GK5: variants seen among roughly 807,000 people sequenced by gnomAD.
GK5 encodes glycerol kinase 5.
Under a neutral mutation model 77.3 loss-of-function variants are expected in GK5, and 39 were observed. That is an observed-to-expected ratio of 0.50 (90% CI 0.39 to 0.66). The LOEUF (loss-of-function observed/expected upper bound fraction) is 0.66, where lower values mean the gene tolerates loss of function less well. Ranked by LOEUF, GK5 falls within the 30% of genes least tolerant of loss-of-function variation. The pLI, the probability that GK5 is intolerant of heterozygous loss-of-function variation, is 0.00. For missense variants in GK5, 487 were observed against 633.8 expected (o/e 0.77, Z 2.49); for synonymous variants, 211 against 208.0 (o/e 1.01, Z -0.13).
At chr3:142,186,061 T>C (rs1404896625) in intron 8 of GK5, 72 bp from the exon 9 acceptor site, 1 of 1,350,200 alleles carries the variant, frequency 7.4e-7, no homozygotes, top group African/African-American at 1.5e-5. Context: ...GCAAATTGTT[T>C]TTTTGCATAA....
Position 142,159,286 on chromosome 3 carries a change from A to G in GK5, c.*6336T>C, listed in dbSNP as rs1213459445. 1 of 152,242 alleles carries G rather than the reference A, an allele frequency of 6.6e-6. No individual in the cohort carries two copies. Among genetic ancestry groups the G allele is most frequent in the African/African-American group, 2.4e-5 (1 of 41,468 alleles). 9.4% of individuals were successfully genotyped at this position (152,242 alleles called of 1,614,324 possible). ...TCCTGGTGGGAATGTAAGATGGTAT[A>G]GCCAGTCTGGAAAACAGTTTGGCTG... On this transcript the variant is annotated 3_prime_UTR_variant, in exon 16 of 16. Transcript: ENST00000392993.
intron 11 of GK5, among the ~76,000 whole-genome samples, chr3:142,177,920 G>A (rs886147203): frequency 6.7e-5 from 10 of 148,978 alleles, no homozygotes; most frequent in South Asian, 2.1e-4. Context: ...GTGCAGTGGC[G>A]CAATCTCGGC....
chr3:142,204,632 A>C, intron 4 of GK5, 63 bp downstream of exon 4: 3 of 900,710 alleles, frequency 3.3e-6, no homozygotes, highest in East Asian at 4.8e-5. Context: ...AAATAATACA[A>C]TTAAGGGACA....
Position 142,186,237 on chromosome 3 carries a change from T to G in GK5, c.712A>C (p.Ile238Leu). Residue 238 changes from isoleucine (I) to leucine (L), a missense_variant, in exon 8 of 16, where the codon ATT (isoleucine) becomes CTT (leucine). Transcript: ENST00000392993. Reference protein sequence around the residue: ...MCWSGMITSLISIPLSLLPPV... With the variant: ...MCWSGMITSLLSIPLSLLPPV... ...GGTAGGAGAGAAAGTGGTATCGAAA[T>G]TAGAGAGGTAATCATCCCACTCCAA... 1 of 1,607,138 alleles carries G rather than the reference T, an allele frequency of 6.2e-7. No individual in the cohort carries two copies. The highest frequency in any genetic ancestry group is 8.5e-7 in the Non-Finnish European group (1 of 1,173,820).
At chr3:142,173,587 G>A (rs565033572) in intron 12 of GK5, among the ~76,000 whole-genome samples, 1 of 152,296 alleles carries the variant, frequency 6.6e-6, no homozygotes, top group African/African-American at 2.4e-5. Flanking sequence ...GGGAGGCTGA[G>A]GCAGGAGAAT....
intron 1 of GK5, 21 bp downstream of exon 1, chr3:142,225,288 C>T: frequency 6.6e-7 from 1 of 1,524,336 alleles, no homozygotes; most frequent in Non-Finnish European, 8.8e-7. Context: ...GACCCGCGCC[C>T]CACGCCCGCC....
chr3:142,162,550 T>C lies in GK5; in HGVS notation c.*3072A>G, dbSNP rs973751607. On this transcript the variant is annotated 3_prime_UTR_variant, in exon 16 of 16. Transcript: ENST00000392993. ...GCAATTAGTAGCACTTTAAGATAGA[T>C]TGAACAGGAACATTCTCTTCCTTTA... is the stretch of plus-strand genomic sequence containing the variant. The C allele has an allele frequency of 1.3e-5, 2 of 152,212 alleles. No individual in the cohort carries two copies. Among genetic ancestry groups the C allele is most frequent in the African/African-American group, 4.8e-5 (2 of 41,464 alleles). The allele number at this position is 152,212 out of a possible 1,614,324, so 9.4% of individuals were successfully genotyped here.
intron 3 of GK5, among the ~76,000 whole-genome samples, chr3:142,209,863 G>C (rs1041602191): frequency 6.6e-6 from 1 of 152,066 alleles, no homozygotes; most frequent in African/African-American, 2.4e-5. Context: ...CTCACAGTTT[G>C]TGTTGCTAAT....
At chr3:142,189,912 A>G (rs1426217766) in intron 5 of GK5, among the ~76,000 whole-genome samples, 1 of 151,778 alleles carries the variant, frequency 6.6e-6, no homozygotes, top group Non-Finnish European at 1.5e-5. Flanking sequence ...TTTTACAAAT[A>G]TAATATCAAG....
In GK5 at chr3:142,162,541, T is replaced by C. The variant is rs1037564430; in HGVS notation, c.*3081A>G. The C allele has an allele frequency of 7.2e-5, 11 of 152,244 alleles. No individual in the cohort carries two copies. Among genetic ancestry groups the C allele is most frequent in the African/African-American group, 2.7e-4 (11 of 41,464 alleles). 9.4% of individuals were successfully genotyped at this position (152,244 alleles called of 1,614,324 possible). Reference sequence around the variant, plus strand: ...AGTATAAAAGCAATTAGTAGCACTTTAAGATAGATTGAACAGGAACATTCT... The same window carrying C: ...AGTATAAAAGCAATTAGTAGCACTTCAAGATAGATTGAACAGGAACATTCT... On this transcript the variant is annotated 3_prime_UTR_variant, in exon 16 of 16. Coordinates refer to ENST00000392993, the MANE Select transcript of GK5 (RefSeq NM_001039547.3).
At chr3:142,194,244 G>T (rs2063898141) in intron 5 of GK5, among the ~76,000 whole-genome samples, 1 of 151,706 alleles carries the variant, frequency 6.6e-6, no homozygotes, top group Admixed American at 6.6e-5. Context: ...AATTAACTGG[G>T]GCCAGGCACG....
chr3:142,217,958 G>A (rs183096947), intron 1 of GK5, among the ~76,000 whole-genome samples: 2 of 151,906 alleles, frequency 1.3e-5, no homozygotes, highest in African/African-American at 2.4e-5. Flanking sequence ...CCAAAACAAC[G>A]TTGAAAAAGA....
At chr3:142,224,956 A>T (rs539730835) in intron 1 of GK5, among the ~76,000 whole-genome samples, 1 of 152,324 alleles carries the variant, frequency 6.6e-6, no homozygotes, top group South Asian at 2.1e-4. Context: ...CTCTGGCTGG[A>T]TGTGCACAGC....
intron 15 of GK5, among the ~76,000 whole-genome samples, chr3:142,167,773 A>G (rs2063489611): frequency 6.6e-6 from 1 of 152,240 alleles, no homozygotes; most frequent in South Asian, 2.1e-4. Flanking sequence ...GCACTTTGGG[A>G]TGCCAAAGCG....
chr3:142,215,615 T>C lies in GK5; in HGVS notation c.225A>G (p.Ile75Met). The stretch of plus-strand genomic sequence containing the variant: ...TCCAATTACCTTTGACTGCTTCTTT[T>C]ATTACGGCAACAAATTGAATCCAAA... ...DVLWIQFVAVIKEAVKAAGIQ... is the reference protein window; with the variant it reads ...DVLWIQFVAVMKEAVKAAGIQ... Residue 75 changes from isoleucine (I) to methionine (M), a missense_variant, in exon 2 of 16, where the codon ATA (isoleucine) becomes ATG (methionine). Physicochemically the swap from Ile to Met is conservative, Grantham distance 10 (BLOSUM62 1). This residue lies in a region of GK5 where 323 missense variants were observed against 437.4 expected (regional missense o/e 0.74). Transcript: ENST00000392993. The C allele has an allele frequency of 1.9e-6, 3 of 1,577,120 alleles. No individual in the cohort carries two copies. The highest frequency in any genetic ancestry group is 2.6e-6 in the Non-Finnish European group (3 of 1,149,508).
At chr3:142,185,752 A>C in intron 9 of GK5, 177 bp downstream of exon 9, 1 of 1,553,678 alleles carries the variant, frequency 6.4e-7, no homozygotes, top group African/African-American at 1.4e-5. Context: ...TCCCCTTCCC[A>C]AAAATATAGC....
At position 142,159,845 on chromosome 3, in the gene GK5, C is replaced by CTTTTTTTTTTTTTTTT. The variant is rs1560204229; in HGVS notation, c.*5776_*5777insAAAAAAAAAAAAAAAA. 5.7e-5 allele frequency: 6 copies of CTTTTTTTTTTTTTTTT among 104,710 alleles called. No homozygotes were observed. Among genetic ancestry groups the CTTTTTTTTTTTTTTTT allele is most frequent in the African/African-American group, 2.5e-4 (6 of 24,018 alleles). The allele number at this position is 104,710 out of a possible 1,614,324, so 6.5% of individuals were successfully genotyped here. On this transcript the variant is annotated 3_prime_UTR_variant, in exon 16 of 16. Transcript: ENST00000392993. The stretch of plus-strand genomic sequence containing the variant: ...TTTGGGGCTTTCTCTCTCTCTCTCT[C>CTTTTTTTTTTTTTTTT]TCTCTCTCTTTTTTTTTTTTGAGAC...
chr3:142,173,383 G>C (rs922039049), intron 12 of GK5, among the ~76,000 whole-genome samples: 4 of 151,714 alleles, frequency 2.6e-5, no homozygotes, highest in African/African-American at 4.8e-5. Flanking sequence ...GCAATTCTGG[G>C]ACACAAAGAT....
At chr3:142,182,364 A>C (rs1171903177) in intron 10 of GK5, among the ~76,000 whole-genome samples, 1 of 149,192 alleles carries the variant, frequency 6.7e-6, no homozygotes, top group Non-Finnish European at 1.5e-5. Flanking sequence ...TTTTTTTTGG[A>C]GACAGAGTCT....
Sources: gnomAD v4.1 joint callset for allele counts (sites outside exome capture counted in the v4.1 genomes callset) on GRCh38, gnomAD v4.1.1 for gene constraint, gnomAD v4.1.1 regional missense constraint, MANE v1.5 for transcripts, NCBI Gene and HGNC (gene_info 2026-07-23, HGNC 2026-07-21) for gene names.